ARPC1A: variants seen among roughly 807,000 people sequenced by gnomAD.
ARPC1A encodes actin related protein 2/3 complex subunit 1A.
ARPC1A carries 8 observed loss-of-function variants against 46.9 expected under a neutral mutation model. That is an observed-to-expected ratio of 0.17 (90% CI 0.10 to 0.31). The LOEUF (loss-of-function observed/expected upper bound fraction) is 0.31, where lower values mean the gene tolerates loss of function less well. Among genes scored for constraint, ARPC1A ranks in the 10% least tolerant of loss-of-function variants. The probability of loss-of-function intolerance (pLI) is 1.00; values close to 1 mark genes in which losing one functional copy is unlikely to be tolerated. For missense variants in ARPC1A, 286 were observed against 483.6 expected (o/e 0.59, Z 3.83); for synonymous variants, 152 against 169.0 (o/e 0.90, Z 0.78).
intron 8 of ARPC1A, among the ~76,000 whole-genome samples, chr7:99,360,913 C>T (rs1196486247): frequency 1.4e-5 from 2 of 146,778 alleles, no homozygotes; most frequent in Admixed American, 1.4e-4. Flanking sequence ...TGCACTCCCG[C>T]CTGGGTGACA....
intron 6 of ARPC1A, 131 bp from the exon 7 acceptor site, chr7:99,358,209 C>A: frequency 1.2e-6 from 1 of 835,108 alleles, no homozygotes; most frequent in Non-Finnish European, 1.9e-6. Flanking sequence ...AGGTCAGGGG[C>A]TCCTTTTCAA....
At position 99,359,616 on chromosome 7, in the gene ARPC1A, T is replaced by G. The variant is rs910006701; in HGVS notation, c.861T>G (p.Asp287Glu). 21 of 1,613,940 alleles carry G rather than the reference T, an allele frequency of 1.3e-5. No individual in the cohort carries two copies. The highest frequency in any genetic ancestry group is 1.8e-5 in the Non-Finnish European group (21 of 1,180,030). The change falls in exon 8 of 10, where the codon GAT (aspartate) becomes GAG (glutamate). Residue 287 changes from aspartate (D) to glutamate (E), a missense_variant. Around this residue, in one of 5 missense-constraint regions of ARPC1A, gnomAD observed 182 missense variants for 276.7 expected, o/e 0.66. Transcript: ENST00000262942. ...RGCLTFVSKL[D>E]IPKQSIQRNM... ...GCCTGACCTTCGTCTCCAAGTTAGA[T>G]ATTCCAAAACAGAGCATCCAACGCA...
At chr7:99,329,683 C>A (rs928786271) in intron 1 of ARPC1A, among the ~76,000 whole-genome samples, 1 of 152,140 alleles carries the variant, frequency 6.6e-6, no homozygotes, top group African/African-American at 2.4e-5. Flanking sequence ...ATTAGAAATG[C>A]AATTTTAGAA....
chr7:99,341,852 T>G (rs987502339), intron 3 of ARPC1A, among the ~76,000 whole-genome samples: 1 of 152,086 alleles, frequency 6.6e-6, no homozygotes, highest in Non-Finnish European at 1.5e-5. Context: ...AATATAACTC[T>G]GGGGCAGGAG....
intron 3 of ARPC1A, among the ~76,000 whole-genome samples, chr7:99,340,287 C>T (rs971361444): frequency 4.6e-5 from 7 of 152,038 alleles, no homozygotes; most frequent in Non-Finnish European, 2.9e-5. Context: ...CTCAGCCTCC[C>T]GAGTTGCTGG....
At chr7:99,362,231 T>G (rs1456815992) in intron 8 of ARPC1A, among the ~76,000 whole-genome samples, 1 of 150,722 alleles carries the variant, frequency 6.6e-6, no homozygotes, top group African/African-American at 2.4e-5. Flanking sequence ...GAGGTAGAGG[T>G]TGCAGTGAGC....
intron 3 of ARPC1A, among the ~76,000 whole-genome samples, chr7:99,341,930 T>G (rs1793363674): frequency 6.6e-6 from 1 of 152,138 alleles, no homozygotes; most frequent in South Asian, 2.1e-4. Context: ...TTCTGAAGCA[T>G]TCTAGAAGAA....
At position 99,365,046 on chromosome 7, in the gene ARPC1A, G is replaced by A. The variant is rs533092028; in HGVS notation, c.1075-845G>A. On this transcript the variant is annotated intron_variant, in intron 9 of 9. Coordinates refer to ENST00000262942, the MANE Select transcript of ARPC1A (RefSeq NM_006409.4). ...TGAGAAGACACAGGCGAGCATCCTC[G>A]GCTGCAAGTGCAGCACACCCAGGGC... Among the ~76,000 whole-genome samples the A allele has an allele frequency of 4.6e-5, 7 of 152,232 alleles. No individual in the cohort carries two copies. In the East Asian group the frequency reaches 7.7e-4, roughly 17 times the overall value.
chr7:99,349,634 C>T (rs1265618341), intron 5 of ARPC1A, among the ~76,000 whole-genome samples: 1 of 151,964 alleles, frequency 6.6e-6, no homozygotes, highest in Admixed American at 6.6e-5. Flanking sequence ...GTCAGGAGAT[C>T]GAGACCATCC....
chr7:99,329,054 A>G (rs561015060), intron 1 of ARPC1A, among the ~76,000 whole-genome samples: 1 of 151,918 alleles, frequency 6.6e-6, no homozygotes, highest in Non-Finnish European at 1.5e-5. Flanking sequence ...TAATCCCAGC[A>G]CTTTGGGAGG....
intron 2 of ARPC1A, 88 bp from the exon 3 acceptor site, chr7:99,338,093 G>A: frequency 1.1e-6 from 1 of 949,884 alleles, no homozygotes; most frequent in South Asian, 1.7e-5. Flanking sequence ...CCTTACTATA[G>A]TCTGCTTTTA....
rs1368025200 is a variant in ARPC1A, at chr7:99,344,320, G to A, written c.197G>A (p.Arg66His). Reference sequence around the variant, plus strand: ...ATTGACTGGGCTCCCAAGAGCGACCGCATTGTCACTTGTGGGGCAGACCGC... The same window carrying A: ...ATTGACTGGGCTCCCAAGAGCGACCACATTGTCACTTGTGGGGCAGACCGC... ...TGIDWAPKSD[R>H]IVTCGADRNA... The change falls in exon 4 of 10, where the codon CGC becomes CAC. Residue 66 changes from arginine to histidine, a missense_variant. Arg to His is a conservative substitution (Grantham distance 29). Around this residue, in one of 5 missense-constraint regions of ARPC1A, gnomAD observed 38 missense variants for 95.8 expected, o/e 0.40. Transcript: ENST00000262942. The A allele has an allele frequency of 1.9e-6, 3 of 1,613,978 alleles. No homozygotes were observed. Among genetic ancestry groups the A allele is most frequent in the Admixed American group, 1.7e-5 (1 of 60,010 alleles).
chr7:99,360,134 G>C (rs1793714825), intron 8 of ARPC1A: 1 of 211,172 alleles, frequency 4.7e-6, no homozygotes, highest in African/African-American at 2.3e-5. Context: ...AGAAAGCGAA[G>C]TTACAGCCTG....
intron 8 of ARPC1A, chr7:99,360,052 C>T (rs774591083): frequency 1.0e-4 from 42 of 415,508 alleles, no homozygotes; most frequent in Non-Finnish European, 1.7e-4. Flanking sequence ...CCTAGGGTAC[C>T]CTTTCTCAGC....
intron 4 of ARPC1A, among the ~76,000 whole-genome samples, chr7:99,345,568 G>T (rs1162704439): frequency 6.6e-6 from 1 of 151,970 alleles, no homozygotes; most frequent in East Asian, 1.9e-4. Context: ...GGAAGCAGGA[G>T]AATTACTTGA....
At chr7:99,357,282 G>C (rs992207100) in intron 6 of ARPC1A, among the ~76,000 whole-genome samples, 7 of 152,214 alleles carry the variant, frequency 4.6e-5, no homozygotes, top group Admixed American at 3.9e-4. Context: ...ACCGCACTAA[G>C]GGCTTAAGAT....
chr7:99,364,206 T>G (rs879348778), intron 9 of ARPC1A, among the ~76,000 whole-genome samples: 6 of 151,924 alleles, frequency 3.9e-5, no homozygotes, highest in African/African-American at 1.2e-4. Flanking sequence ...CTGCCCACCT[T>G]GGCCTCCCAA....
rs1321817562 is a variant in ARPC1A, at chr7:99,358,346, G to T, written c.720G>T (p.Ser240=). ...VADASKSVQV[S]TLKTEFLPLL... is the part of the protein sequence containing the mutation. ...CACATGTTCTTGTGTTCAGGGTCTC[G>T]ACTCTGAAGACAGAGTTCCTGCCGC... The change falls in exon 7 of 10, where the codon TCG becomes TCT. Residue 240 remains serine, a synonymous_variant. Transcript: ENST00000262942. The T allele has an allele frequency of 2.2e-5, 36 of 1,613,832 alleles. No individual in the cohort carries two copies. The highest frequency in any genetic ancestry group is 3.1e-5 in the Non-Finnish European group (36 of 1,179,950).
Position 99,333,312 on chromosome 7 carries a change from T to C in ARPC1A, c.-29-13T>C, listed in dbSNP as rs1793179600. 5.2e-6 allele frequency: 8 copies of C among 1,549,760 alleles called. No homozygotes were observed. The highest frequency in any genetic ancestry group is 1.8e-4 in the Middle Eastern group (1 of 5,516). On this transcript the variant is annotated splice_polypyrimidine_tract_variant and intron_variant, in intron 1 of 9. Coordinates refer to ENST00000262942, the MANE Select transcript of ARPC1A (RefSeq NM_006409.4). ...CTATTGTATAAAATGCTTTTTGTTA[T>C]TGTTCATTGCAGCTTTCTCTCCTTT...
Sources: allele counts gnomAD v4.1 joint callset (sites outside exome capture counted in the v4.1 genomes callset), GRCh38; gene constraint gnomAD v4.1.1; regional missense constraint gnomAD v4.1.1; transcripts MANE v1.5; gene names NCBI Gene and HGNC (gene_info 2026-07-23, HGNC 2026-07-21).